Variants in LTBP2 observed in about 807,000 individuals in gnomAD.
The protein encoded by LTBP2 is latent-transforming growth factor beta-binding protein 2.
A neutral mutation model predicts 210.6 loss-of-function variants in LTBP2; 103 were observed. The ratio of observed to expected loss-of-function variants is 0.49; its 90% CI spans 0.42 to 0.58. The LOEUF is 0.58. LTBP2 is among the 20% of genes least tolerant of loss of function. The pLI, the probability that LTBP2 is intolerant of heterozygous loss-of-function variation, is 0.00. For missense variants in LTBP2, 2,313 were observed against 2,494.5 expected (o/e 0.93, Z 1.55); for synonymous variants, 1,007 against 1,015.0 (o/e 0.99, Z 0.15).
intron 3 of LTBP2, among the ~76,000 whole-genome samples, chr14:74,574,752 T>C (rs1360003211): frequency 6.6e-6 from 1 of 152,212 alleles, no homozygotes. Flanking sequence ...ATGCGGTCCA[T>C]ATATTCCTCA....
intron 3 of LTBP2, among the ~76,000 whole-genome samples, chr14:74,567,956 A>C (rs1419284118): frequency 6.6e-6 from 1 of 152,096 alleles, no homozygotes. Flanking sequence ...TCGTCGTTCA[A>C]CCACCGCCAA....
chr14:74,506,159 A>G lies in LTBP2; in HGVS notation c.4066T>C (p.Cys1356Arg). 6.2e-7 allele frequency: 1 copy of G among 1,613,824 alleles called. No homozygotes were observed. Among genetic ancestry groups the G allele is most frequent in the Non-Finnish European group, 8.5e-7 (1 of 1,179,958 alleles). ...VNECELMLAV[C>R]GAALCENVEG... ...ACGTTCTCACAGAGCGCGGCCCCAC[A>G]TACCGCCAGCATAAGCTCACACTCG... The change falls in exon 28 of 36, where the codon TGT becomes CGT. Residue 1356 changes from cysteine (C) to arginine (R), a missense_variant. Cys to Arg is a radical substitution (Grantham distance 180). Transcript: ENST00000261978.
At position 74,502,652 on chromosome 14, in the gene LTBP2, C is replaced by A; in HGVS notation, c.5170+1G>T. 1 of 1,614,150 alleles carries A rather than the reference C, an allele frequency of 6.2e-7. No homozygotes were observed. Among genetic ancestry groups the A allele is most frequent in the South Asian group, 1.1e-5 (1 of 91,084 alleles). On this transcript the variant is annotated splice_donor_variant, in intron 34 of 35. Coordinates refer to ENST00000261978, the MANE Select transcript of LTBP2 (RefSeq NM_000428.3). LOFTEE classifies it high-confidence loss of function. The stretch of plus-strand genomic sequence containing the variant: ...TTCCCCAGTTTTGCAGCAACACAGA[C>A]CTGGATGGCTGGCCACGTAGTGGGG...
At chr14:74,558,625 G>T (rs935303892) in intron 3 of LTBP2, among the ~76,000 whole-genome samples, 1 of 152,014 alleles carries the variant, frequency 6.6e-6, no homozygotes, top group Non-Finnish European at 1.5e-5. Context: ...CTGACAAAGA[G>T]CTCTCCAGTC....
chr14:74,545,833 A>G (rs2087568965), intron 8 of LTBP2, among the ~76,000 whole-genome samples: 1 of 152,152 alleles, frequency 6.6e-6, no homozygotes, highest in Admixed American at 6.5e-5. Flanking sequence ...AAGTCCTGGG[A>G]GTTCAGCTGG....
intron 17 of LTBP2, among the ~76,000 whole-genome samples, chr14:74,521,386 G>T (rs978520601): frequency 1.3e-5 from 2 of 151,774 alleles, no homozygotes; most frequent in Admixed American, 1.3e-4. Flanking sequence ...AAGGGTTTGC[G>T]TTGGGAGCGT....
Position 74,611,502 on chromosome 14 carries a change from G to A in LTBP2, c.443C>T (p.Pro148Leu). 1 of 1,520,914 alleles carries A rather than the reference G, an allele frequency of 6.6e-7. No homozygotes were observed. Among genetic ancestry groups the A allele is most frequent in the Non-Finnish European group, 8.7e-7 (1 of 1,146,258 alleles). The allele number at this position is 1,520,914 out of a possible 1,614,324, so 94.2% of individuals were successfully genotyped here. ...AAPALPRLGT[P>L]QRSGAAPPTP... Reference sequence around the variant, plus strand: ...TGGGGGCGCAGCCCCAGACCGCTGTGGGGTCCCCAGGCGTGGGAGAGCCGG... The same window carrying A: ...TGGGGGCGCAGCCCCAGACCGCTGTAGGGTCCCCAGGCGTGGGAGAGCCGG... Residue 148 changes from proline (P) to leucine (L), a missense_variant, in exon 1 of 36, where the codon CCA (proline) becomes CTA (leucine). Physicochemically the swap from Pro to Leu is moderately conservative, Grantham distance 98 (BLOSUM62 -3). Transcript: ENST00000261978.
At chr14:74,526,853 C>G (rs947581959) in intron 13 of LTBP2, among the ~76,000 whole-genome samples, 4 of 152,136 alleles carry the variant, frequency 2.6e-5, no homozygotes, top group African/African-American at 9.7e-5. Flanking sequence ...ATCTTGGGCA[C>G]AGGGAAGGGA....
rs2087038493 is a variant in LTBP2 at position 74,509,336 on chromosome 14, A to G, written c.3305T>C (p.Val1102Ala). 6.2e-7 allele frequency: 1 copy of G among 1,612,824 alleles called. No individual in the cohort carries two copies. The highest frequency in any genetic ancestry group is 2.2e-5 in the East Asian group (1 of 44,814). Reference sequence around the variant, plus strand: ...GTTGGTGCAGACTCCGGAGGGGCAGACTCCCGGGAAGGCACACTCATCTAG... The same window carrying G: ...GTTGGTGCAGACTCCGGAGGGGCAGGCTCCCGGGAAGGCACACTCATCTAG... ...EDLDECAFPG[V>A]CPSGVCTNTA... Residue 1102 changes from valine to alanine, a missense_variant, in exon 22 of 36, where the codon GTC becomes GCC. Physicochemically the swap from Val to Ala is moderately conservative, Grantham distance 64. Transcript: ENST00000261978.
chr14:74,579,054 G>A (rs148276528), intron 3 of LTBP2, among the ~76,000 whole-genome samples: 3 of 152,086 alleles, frequency 2.0e-5, no homozygotes, highest in Non-Finnish European at 2.9e-5. Context: ...ACGGGGTTTC[G>A]CCATGTTGGC....
chr14:74,558,039 A>C, intron 3 of LTBP2, among the ~76,000 whole-genome samples: 1 of 151,744 alleles, frequency 6.6e-6, no homozygotes, highest in Non-Finnish European at 1.5e-5. Flanking sequence ...CCAAATCTCC[A>C]CCCCAGTTCT....
Position 74,503,972 on chromosome 14 carries a change from C to T in LTBP2, c.4536G>A (p.Leu1512=). The change falls in exon 31 of 36, where the codon CTG becomes CTA. Residue 1512 remains leucine, a synonymous_variant. Coordinates refer to ENST00000261978, the MANE Select transcript of LTBP2 (RefSeq NM_000428.3). The stretch of plus-strand genomic sequence containing the variant: ...CATCGTAGTGGAAGCCGGGATTGCA[C>T]AGGCAGACATAACCAGGCACGGTGT... ...CLNTVPGYVC[L]CNPGFHYDAS... The T allele has an allele frequency of 6.2e-7, 1 of 1,614,166 alleles. No individual in the cohort carries two copies.
chr14:74,526,143 T>G (rs2087270985), intron 13 of LTBP2, 29 bp from the exon 14 acceptor site: 1 of 1,583,418 alleles, frequency 6.3e-7, no homozygotes, highest in South Asian at 1.2e-5. Flanking sequence ...AGGTCACTTT[T>G]GGCTCCTCTG....
In LTBP2 at chr14:74,586,148, G is replaced by A. The variant is rs1308946728; in HGVS notation, c.566-30C>T. On this transcript the variant is annotated intron_variant, in intron 2 of 35. Transcript: ENST00000261978. The surrounding 1 kb of genome is among the most constrained non-coding windows in gnomAD (Gnocchi z 4.6). ...GGACACAGGGAGAGAGGTGACAGCAGTGGCCATAGGGCACTGAGACCACAG... is the reference window on the plus strand; with the variant it reads ...GGACACAGGGAGAGAGGTGACAGCAATGGCCATAGGGCACTGAGACCACAG... 6.3e-7 allele frequency: 1 copy of A among 1,577,724 alleles called. No homozygotes were observed. The highest frequency in any genetic ancestry group is 1.2e-5 in the South Asian group (1 of 86,326).
intron 9 of LTBP2, among the ~76,000 whole-genome samples, chr14:74,532,807 A>C (rs528963797): frequency 6.6e-6 from 1 of 152,262 alleles, no homozygotes; most frequent in East Asian, 1.9e-4. Context: ...GCATGTAACA[A>C]TGATCATAAT....
chr14:74,552,149 T>C, intron 6 of LTBP2, 38 bp downstream of exon 6: 1 of 1,551,060 alleles, frequency 6.4e-7, no homozygotes, highest in Middle Eastern at 2.1e-4. Flanking sequence ...CTGGCACTCC[T>C]CCCAGGGTCC....
intron 3 of LTBP2, among the ~76,000 whole-genome samples, chr14:74,556,658 A>G (rs1277993251): frequency 6.6e-6 from 1 of 152,216 alleles, no homozygotes; most frequent in Non-Finnish European, 1.5e-5. Flanking sequence ...CTAGGATTAC[A>G]GGAGCCCGCC....
At chr14:74,604,985 G>T (rs1245389165) in intron 1 of LTBP2, among the ~76,000 whole-genome samples, 1 of 152,210 alleles carries the variant, frequency 6.6e-6, no homozygotes, top group Non-Finnish European at 1.5e-5. Context: ...TCCCTAGAAG[G>T]GCTTCTCCTG....
Position 74,501,037 on chromosome 14 carries a change from G to A in LTBP2, c.5321-8C>T. ...CATCACACTCATTCACATCTAAGAGGAAACAAAGGAGAGTGCTGTAGGGAG... is the reference window on the plus strand; with the variant it reads ...CATCACACTCATTCACATCTAAGAGAAAACAAAGGAGAGTGCTGTAGGGAG... On this transcript the variant is annotated splice_region_variant and splice_polypyrimidine_tract_variant and intron_variant, in intron 35 of 35. Transcript: ENST00000261978. The A allele has an allele frequency of 6.2e-7, 1 of 1,612,310 alleles. No homozygotes were observed. Among genetic ancestry groups the A allele is most frequent in the Non-Finnish European group, 8.5e-7 (1 of 1,179,142 alleles).
Sources: gnomAD v4.1 joint callset for allele counts (sites outside exome capture counted in the v4.1 genomes callset) on GRCh38, gnomAD v4.1.1 for gene constraint, Gnocchi (gnomAD v3.1) non-coding constraint, MANE v1.5 for transcripts, NCBI Gene and HGNC (gene_info 2026-07-23, HGNC 2026-07-21) for gene names.